IMPG1: variants seen among roughly 807,000 people sequenced by gnomAD.
IMPG1 encodes the protein interphotoreceptor matrix proteoglycan of 150 kDa.
A neutral mutation model predicts 92.0 loss-of-function variants in IMPG1; 85 were observed. That is an observed-to-expected ratio of 0.92 (90% CI 0.78 to 1.11). The LOEUF (loss-of-function observed/expected upper bound fraction) is 1.11, where lower values mean the gene tolerates loss of function less well. Ranked by LOEUF, IMPG1 falls within the 50% of genes least tolerant of loss-of-function variation. IMPG1 has a pLI of 0.00. For missense variants in IMPG1, 1,022 were observed against 956.0 expected (o/e 1.07, Z -0.91); for synonymous variants, 367 against 334.1 (o/e 1.10, Z -1.08).
rs777740210 is a variant in IMPG1 at position 75,947,336 on chromosome 6, GCTGT to G, written c.2018_2021del (p.Asp673AlafsTer27). 1.2e-5 allele frequency: 19 copies of G among 1,613,362 alleles called. No homozygotes were observed. The highest frequency in any genetic ancestry group is 1.5e-5 in the Non-Finnish European group (18 of 1,179,466). Reference sequence around the variant, plus strand: ...TACCTGGTTCAATGTTGAGAGAGTAGCTGTCTATTTCCAGATGGAGTTGTTGGGC... The same window carrying G: ...TACCTGGTTCAATGTTGAGAGAGTAGCTATTTCCAGATGGAGTTGTTGGGC... On this transcript the variant is annotated frameshift_variant, in exon 14 of 17. Transcript: ENST00000369950. LOFTEE classifies it high-confidence loss of function.
chr6:76,072,037 C>A (rs976450444), intron 1 of IMPG1, among the ~76,000 whole-genome samples: 10 of 151,826 alleles, frequency 6.6e-5, no homozygotes, highest in African/African-American at 2.4e-4. Flanking sequence ...TTTGTCTGAC[C>A]ATAAATGACT....
chr6:76,042,943 C>T (rs112872220), intron 1 of IMPG1, among the ~76,000 whole-genome samples: 1,675 of 152,226 alleles, frequency 0.011, 38 homozygotes, highest in African/African-American at 0.039. Context: ...CTCACAAAAG[C>T]TTTACTACAT....
At chr6:76,072,384 A>T in intron 1 of IMPG1, 38 bp downstream of exon 1, 1 of 1,121,754 alleles carries the variant, frequency 8.9e-7, no homozygotes, top group Non-Finnish European at 1.3e-6. Context: ...TAGATTTTAT[A>T]GATAAGCAAT....
chr6:75,997,977 A>G (rs2149475281), intron 12 of IMPG1, among the ~76,000 whole-genome samples: 1 of 152,324 alleles, frequency 6.6e-6, no homozygotes, highest in Non-Finnish European at 1.5e-5. Flanking sequence ...AGAAAGTAGC[A>G]TGTTAGCTGA....
chr6:75,982,541 A>ATGTCTATC (rs1554231043), intron 12 of IMPG1, among the ~76,000 whole-genome samples: 2 of 146,628 alleles, frequency 1.4e-5, no homozygotes, highest in Non-Finnish European at 3.0e-5. Flanking sequence ...AAAAATGTGT[A>ATGTCTATC]TATCTATCTA....
intron 1 of IMPG1, among the ~76,000 whole-genome samples, chr6:76,042,700 G>A (rs1034527260): frequency 3.9e-5 from 6 of 152,070 alleles, no homozygotes; most frequent in South Asian, 2.1e-4. Context: ...AAGCTTTGCC[G>A]TTTCATGAAG....
chr6:76,060,517 C>T (rs1050653225), intron 1 of IMPG1, among the ~76,000 whole-genome samples: 2 of 152,170 alleles, frequency 1.3e-5, no homozygotes, highest in Non-Finnish European at 2.9e-5. Context: ...GGACTCAAAG[C>T]AGAGTGCACC....
intron 14 of IMPG1, chr6:75,934,791 C>T (rs981136475): frequency 2.8e-5 from 9 of 323,544 alleles, no homozygotes; most frequent in African/African-American, 1.9e-4. Context: ...CTCCGCTACA[C>T]CCCCCTTCCC....
intron 1 of IMPG1, among the ~76,000 whole-genome samples, chr6:76,043,851 C>G (rs560078242): frequency 6.6e-6 from 1 of 152,318 alleles, no homozygotes; most frequent in South Asian, 2.1e-4. Context: ...ATGTCATCCT[C>G]GGGCAGGCTT....
intron 15 of IMPG1, among the ~76,000 whole-genome samples, chr6:75,926,802 G>A (rs1012198669): frequency 6.8e-5 from 10 of 147,770 alleles, no homozygotes; most frequent in African/African-American, 2.2e-4. Flanking sequence ...TGAGGGAAAT[G>A]TAAAAATATA....
chr6:76,028,148 G>A (rs1460967828), intron 4 of IMPG1, among the ~76,000 whole-genome samples: 1 of 152,146 alleles, frequency 6.6e-6, no homozygotes, highest in African/African-American at 2.4e-5. Flanking sequence ...CATAATTAAT[G>A]TTGTTAAGTT....
rs1781947740 is a variant in IMPG1, at chr6:75,947,477, G to A, written c.1881C>T (p.Asn627=). The change falls in exon 14 of 17, where the codon AAC becomes AAT. Residue 627 remains asparagine (N), a synonymous_variant. Coordinates refer to ENST00000369950, the MANE Select transcript of IMPG1 (RefSeq NM_001563.4). ...TCACAATCACACTCCCGTTTCTGAA[G>A]TTAAGTATTTCAAGTTGCTTAAATC... ...LTGFKQLEIL[N]FRNGSVIVNS... is the part of the protein sequence containing the mutation. 1 of 1,613,822 alleles carries A rather than the reference G, an allele frequency of 6.2e-7. No homozygotes were observed. The highest frequency in any genetic ancestry group is 2.2e-5 in the East Asian group (1 of 44,870).
chr6:75,944,804 A>T (rs1781898279), intron 14 of IMPG1, among the ~76,000 whole-genome samples: 1 of 152,198 alleles, frequency 6.6e-6, no homozygotes, highest in Non-Finnish European at 1.5e-5. Context: ...CTGGCTTTAC[A>T]TGTTAATTTC....
intron 1 of IMPG1, among the ~76,000 whole-genome samples, chr6:76,044,474 C>T (rs921583129): frequency 6.6e-6 from 1 of 152,100 alleles, no homozygotes; most frequent in Non-Finnish European, 1.5e-5. Context: ...CTGCTATCGG[C>T]CTGGTCCTGT....
intron 1 of IMPG1, among the ~76,000 whole-genome samples, chr6:76,067,715 G>A (rs1446352097): frequency 1.3e-5 from 2 of 151,982 alleles, no homozygotes; most frequent in Non-Finnish European, 2.9e-5. Flanking sequence ...TGATACCAAA[G>A]CCAGGCAAGG....
At chr6:75,974,630 C>A (rs1303329144) in intron 12 of IMPG1, among the ~76,000 whole-genome samples, 2 of 151,616 alleles carry the variant, frequency 1.3e-5, no homozygotes, top group Non-Finnish European at 2.9e-5. Context: ...CCATGCCTGG[C>A]TAATTTTTAC....
chr6:75,929,889 T>C (rs2149449844), intron 15 of IMPG1, among the ~76,000 whole-genome samples: 1 of 152,304 alleles, frequency 6.6e-6, no homozygotes, highest in Non-Finnish European at 1.5e-5. Context: ...CACAGGACCA[T>C]TTGTTGAAAA....
chr6:76,049,510 A>G (rs1303357900), intron 1 of IMPG1, among the ~76,000 whole-genome samples: 1 of 151,834 alleles, frequency 6.6e-6, no homozygotes, highest in African/African-American at 2.4e-5. Flanking sequence ...ATATTTTAGT[A>G]TTTGTGATGT....
chr6:76,045,073 G>C (rs558703607), intron 1 of IMPG1, among the ~76,000 whole-genome samples: 1 of 152,168 alleles, frequency 6.6e-6, no homozygotes, highest in African/African-American at 2.4e-5. Flanking sequence ...GGTGAATTAG[G>C]GTAATGTGAA....
Sources: gnomAD v4.1 joint callset for allele counts (sites outside exome capture counted in the v4.1 genomes callset) on GRCh38, gnomAD v4.1.1 for gene constraint, MANE v1.5 for transcripts, NCBI Gene and HGNC (gene_info 2026-07-23, HGNC 2026-07-21) for gene names.